The following HECTD4 variants were observed in gnomAD, a reference collection of about 807,000 sequenced individuals.
HECTD4 encodes HECT domain E3 ubiquitin protein ligase 4, also known as probable E3 ubiquitin-protein ligase HECTD4.
Under a neutral mutation model 471.5 loss-of-function variants are expected in HECTD4, and 114 were observed. The ratio of observed to expected loss-of-function variants is 0.24; its 90% CI spans 0.21 to 0.28. HECTD4 has a LOEUF of 0.28. HECTD4 is among the 10% of genes least tolerant of loss of function. The pLI, the probability that HECTD4 is intolerant of heterozygous loss-of-function variation, is 1.00. For missense variants in HECTD4, 3,866 were observed against 5,651.5 expected (o/e 0.68, Z 10.13); for synonymous variants, 2,012 against 2,256.0 (o/e 0.89, Z 3.07).
chr12:112,237,903 T>C (rs533217313), intron 34 of HECTD4, among the ~76,000 whole-genome samples: 16 of 152,078 alleles, frequency 1.1e-4, no homozygotes, highest in African/African-American at 3.9e-4. Context: ...TACAGGTATG[T>C]GCCACCATGC....
chr12:112,335,748 A>T (rs1318405772), intron 1 of HECTD4, among the ~76,000 whole-genome samples: 1 of 152,276 alleles, frequency 6.6e-6, no homozygotes, highest in Middle Eastern at 3.4e-3. Flanking sequence ...GTGCACCAAA[A>T]CCTCACAAAT....
rs867864618 is a variant in HECTD4 at position 112,293,361 on chromosome 12, T to C, written c.1336-10059A>G. Among the ~76,000 whole-genome samples, 7 of 125,492 alleles carry C rather than the reference T, an allele frequency of 5.6e-5. No homozygotes were observed. In the South Asian group the frequency reaches 1.5e-3, roughly 27 times the overall value. 82.3% of individuals were successfully genotyped at this position (125,492 alleles called of 152,430 possible). ...GCCTGGGCAACAGAGCAAGACTCTG[T>C]CTCAAAAAAAAAAAAAAAAAAAAAA... On this transcript the variant is annotated intron_variant, in intron 7 of 75. Coordinates refer to ENST00000682272, the MANE Select transcript of HECTD4 (RefSeq NM_001388303.1).
Position 112,194,949 on chromosome 12 carries a change from G to A in HECTD4, c.8685C>T (p.Ile2895=). 2 of 1,610,536 alleles carry A rather than the reference G, an allele frequency of 1.2e-6. No homozygotes were observed. The highest frequency in any genetic ancestry group is 8.5e-7 in the Non-Finnish European group (1 of 1,178,508). Residue 2895 remains isoleucine (I), a synonymous_variant, in exon 56 of 76, where the codon ATC becomes ATT. Transcript: ENST00000682272. This position sits in a 1 kb window ranked among gnomAD's most constrained non-coding sequence, Gnocchi z 4.6. ...GCAGGTGCTCCAGGGTAATGTCCCG[G>A]ATGGCAGGGATGTGGAAGAGGCGAG... ...LFTRLFHIPA[I]RDITLEHLQL...
At chr12:112,355,074 G>A (rs2036309983) in intron 1 of HECTD4, among the ~76,000 whole-genome samples, 2 of 149,830 alleles carry the variant, frequency 1.3e-5, no homozygotes, top group Admixed American at 6.7e-5. Flanking sequence ...TCCGCCTCCC[G>A]GGTTCAAGCC....
At chr12:112,170,645 C>T (rs752787119) in intron 68 of HECTD4, 193 bp from the exon 69 acceptor site, 16 of 595,242 alleles carry the variant, frequency 2.7e-5, no homozygotes, top group Non-Finnish European at 4.5e-5. Context: ...CAGGAGACAT[C>T]CAATTTCTAG....
In HECTD4 at chr12:112,163,502, C is replaced by T; in HGVS notation, c.12897+40G>A. The T allele has an allele frequency of 7.0e-7, 1 of 1,438,662 alleles. No homozygotes were observed. The highest frequency in any genetic ancestry group is 9.2e-7 in the Non-Finnish European group (1 of 1,088,706). 89.1% of individuals were successfully genotyped at this position (1,438,662 alleles called of 1,614,324 possible). The stretch of plus-strand genomic sequence containing the variant: ...GGGTGACAGGGAGGCACGCCTGGGG[C>T]TCACCACCTCCCCGCCCAGCCTGGC... On this transcript the variant is annotated intron_variant, in intron 74 of 75. Coordinates refer to ENST00000682272, the MANE Select transcript of HECTD4 (RefSeq NM_001388303.1). The surrounding 1 kb of genome is among the most constrained non-coding windows in gnomAD (Gnocchi z 8.2).
At chr12:112,373,323 T>C (rs1012030907) in intron 1 of HECTD4, among the ~76,000 whole-genome samples, 2 of 152,086 alleles carry the variant, frequency 1.3e-5, no homozygotes, top group Non-Finnish European at 2.9e-5. Flanking sequence ...GTGGATCACT[T>C]GAGGTCAGGA....
chr12:112,193,661 G>A lies in HECTD4; in HGVS notation c.8763C>T (p.Ser2921=), dbSNP rs2032152984. ...LAPPLPDGTI[S]SSSILLAQSL... ...ACTGCGCCAGGAGGATCGAGCTGGAGCTGATGGTGCCGTCTGGGGACGGAA... is the reference window on the plus strand; with the variant it reads ...ACTGCGCCAGGAGGATCGAGCTGGAACTGATGGTGCCGTCTGGGGACGGAA... Residue 2921 remains serine, a synonymous_variant, in exon 57 of 76, where the codon AGC becomes AGT. Coordinates refer to ENST00000682272, the MANE Select transcript of HECTD4 (RefSeq NM_001388303.1). This position sits in a 1 kb window ranked among gnomAD's most constrained non-coding sequence, Gnocchi z 5.2. The A allele has an allele frequency of 1.2e-6, 2 of 1,612,028 alleles. No individual in the cohort carries two copies. The highest frequency in any genetic ancestry group is 2.2e-5 in the South Asian group (2 of 90,486).
At chr12:112,300,235 G>A (rs2035134839) in intron 7 of HECTD4, among the ~76,000 whole-genome samples, 1 of 151,454 alleles carries the variant, frequency 6.6e-6, no homozygotes, top group Non-Finnish European at 1.5e-5. Context: ...CTTCAGCCTG[G>A]GAGGTGGAGG....
Position 112,167,367 on chromosome 12 carries a change from G to A in HECTD4, c.12484C>T (p.Leu4162=). 5 of 1,613,818 alleles carry A rather than the reference G, an allele frequency of 3.1e-6. No homozygotes were observed. The highest frequency in any genetic ancestry group is 4.2e-6 in the Non-Finnish European group (5 of 1,179,824). The part of the protein sequence containing the change: ...VGEPLDPEQD[L]QEADILTYNY... ...TAGGTGAGGATATCCGCTTCCTGCA[G>A]GTCTTGCTCAGGGTCCAAGGGCTCG... Residue 4162 remains leucine, a synonymous_variant, in exon 72 of 76, where the codon CTG becomes TTG. Transcript: ENST00000682272.
At chr12:112,305,236 A>T (rs992890548) in intron 7 of HECTD4, among the ~76,000 whole-genome samples, 2 of 152,188 alleles carry the variant, frequency 1.3e-5, no homozygotes, top group African/African-American at 4.8e-5. Context: ...TTTAAATAGC[A>T]ACGTATGGCT....
At chr12:112,335,596 G>C (rs2035940802) in intron 1 of HECTD4, among the ~76,000 whole-genome samples, 2 of 152,148 alleles carry the variant, frequency 1.3e-5, no homozygotes, top group African/African-American at 4.8e-5. Context: ...GCTGAGGCAG[G>C]AGAATCGCTT....
chr12:112,357,870 T>C (rs2036372594), intron 1 of HECTD4, among the ~76,000 whole-genome samples: 1 of 152,266 alleles, frequency 6.6e-6, no homozygotes, highest in African/African-American at 2.4e-5. Context: ...CCATGTATTT[T>C]ATTCTTTAAC....
At chr12:112,298,249 C>A (rs977721890) in intron 7 of HECTD4, among the ~76,000 whole-genome samples, 6 of 152,078 alleles carry the variant, frequency 3.9e-5, no homozygotes, top group Non-Finnish European at 7.4e-5. Flanking sequence ...GGGATATACT[C>A]TAACGTATCT....
chr12:112,185,023 CTTT>C lies in HECTD4; in HGVS notation c.9940_9942del (p.Lys3314del), dbSNP rs2031809921. ...GAGGCCTTTTCCCGCTTCATCTTGACTTTTTTCCTCTTGGAGAGGAGGCTGGGA... is the reference window on the plus strand; with the variant it reads ...GAGGCCTTTTCCCGCTTCATCTTGACTTTCCTCTTGGAGAGGAGGCTGGGA... On this transcript the variant is annotated inframe_deletion, in exon 61 of 76. Coordinates refer to ENST00000682272, the MANE Select transcript of HECTD4 (RefSeq NM_001388303.1). 10 of 1,600,690 alleles carry C rather than the reference CTTT, an allele frequency of 6.2e-6. No homozygotes were observed. Among genetic ancestry groups the C allele is most frequent in the Non-Finnish European group, 7.7e-6 (9 of 1,173,774 alleles).
intron 11 of HECTD4, among the ~76,000 whole-genome samples, chr12:112,271,530 A>G (rs963879199): frequency 3.9e-5 from 6 of 152,208 alleles, no homozygotes; most frequent in Non-Finnish European, 4.4e-5. Context: ...TCTTCCCCCA[A>G]TCCGTAACTT....
intron 62 of HECTD4, among the ~76,000 whole-genome samples, chr12:112,182,083 A>T (rs1182493136): frequency 6.7e-6 from 1 of 148,504 alleles, no homozygotes; most frequent in Non-Finnish European, 1.5e-5. Flanking sequence ...ACAGAGCGAG[A>T]CTCTGTCTTA....
intron 11 of HECTD4, 60 bp from the exon 12 acceptor site, chr12:112,270,519 A>C: frequency 7.3e-7 from 1 of 1,378,828 alleles, no homozygotes; most frequent in South Asian, 1.2e-5. Context: ...TCCCCAAAGA[A>C]TAGACCTTTG....
chr12:112,233,379 T>C (rs1488714651), intron 37 of HECTD4, among the ~76,000 whole-genome samples: 1 of 151,768 alleles, frequency 6.6e-6, no homozygotes. Context: ...CATGCCACTA[T>C]GCTTGCCTAA....
Sources: allele counts gnomAD v4.1 joint callset (sites outside exome capture counted in the v4.1 genomes callset), GRCh38; gene constraint gnomAD v4.1.1; non-coding constraint Gnocchi (gnomAD v3.1); transcripts MANE v1.5; gene names NCBI Gene and HGNC (gene_info 2026-07-23, HGNC 2026-07-21).